Variants in FNDC3B observed in about 807,000 individuals in gnomAD.
FNDC3B encodes the protein fibronectin type III domain-containing protein 3B.
A neutral mutation model predicts 151.5 loss-of-function variants in FNDC3B; 12 were observed. The ratio of observed to expected loss-of-function variants is 0.08; its 90% CI spans 0.05 to 0.13. The LOEUF is 0.13. Among genes scored for constraint, FNDC3B ranks in the 10% least tolerant of loss-of-function variants. FNDC3B has a pLI of 1.00. For missense variants in FNDC3B, 1,214 were observed against 1,505.3 expected, an observed-to-expected ratio of 0.81 and a Z score of 3.20; for synonymous variants, 528 against 549.0, an observed-to-expected ratio of 0.96 and a Z score of 0.54.
chr3:172,045,100 C>T (rs1716298321), intron 1 of FNDC3B, among the ~76,000 whole-genome samples: 1 of 152,164 alleles, frequency 6.6e-6, no homozygotes, highest in Non-Finnish European at 1.5e-5. Context: ...TATACAAACT[C>T]CATAGTTCAT....
chr3:172,135,102 T>G (rs1285101814), intron 3 of FNDC3B, among the ~76,000 whole-genome samples: 3 of 152,134 alleles, frequency 2.0e-5, no homozygotes, highest in Admixed American at 1.3e-4. Flanking sequence ...ATGGTAACAT[T>G]GGCACCCCAT....
At chr3:172,286,142 G>A (rs1251896718) in intron 7 of FNDC3B, among the ~76,000 whole-genome samples, 158 bp downstream of exon 7, 1 of 151,940 alleles carries the variant, frequency 6.6e-6, no homozygotes, top group Non-Finnish European at 1.5e-5. Context: ...GTTATTAATG[G>A]ACCATGAGAC....
At chr3:172,145,635 A>G (rs11714903) in intron 3 of FNDC3B, among the ~76,000 whole-genome samples, 74,416 of 151,938 alleles carry the variant, frequency 0.49, 18,600 homozygotes, top group East Asian at 0.58. Flanking sequence ...CCAGATTTAT[A>G]ATGGTTTAAG....
At chr3:172,262,131 G>A (rs1392041184) in intron 6 of FNDC3B, among the ~76,000 whole-genome samples, 1 of 152,172 alleles carries the variant, frequency 6.6e-6, no homozygotes. Flanking sequence ...CAGTGGGCAG[G>A]GATGATTGGA....
chr3:172,372,406 A>T (rs1240439041), intron 23 of FNDC3B, among the ~76,000 whole-genome samples: 1 of 152,112 alleles, frequency 6.6e-6, no homozygotes, highest in African/African-American at 2.4e-5. Flanking sequence ...CTCAGCCTGA[A>T]CTCATACTAA....
At chr3:172,059,620 T>C (rs78154887) in intron 1 of FNDC3B, among the ~76,000 whole-genome samples, 1 of 152,202 alleles carries the variant, frequency 6.6e-6, no homozygotes, top group Non-Finnish European at 1.5e-5. Context: ...TCTAGTATAC[T>C]TAAATTTGGC....
In FNDC3B at chr3:172,251,363, C is replaced by G. The variant is rs1233349376; in HGVS notation, c.612C>G (p.Asn204Lys). The change falls in exon 6 of 26, where the codon AAC becomes AAG. Residue 204 changes from asparagine to lysine, a missense_variant. This residue lies in a region of FNDC3B where 166 missense variants were observed against 173.2 expected (regional missense o/e 0.96). Transcript: ENST00000415807. ...KLKDRQIDRQ[N>K]RLNSPPSSIY... Reference sequence around the variant, plus strand: ...AAGACCGCCAGATCGATCGCCAGAACCGCCTCAACAGCCCTCCTTCTTCTA... The same window carrying G: ...AAGACCGCCAGATCGATCGCCAGAAGCGCCTCAACAGCCCTCCTTCTTCTA... 1 of 1,614,146 alleles carries G rather than the reference C, an allele frequency of 6.2e-7. No individual in the cohort carries two copies. Among genetic ancestry groups the G allele is most frequent in the Non-Finnish European group, 8.5e-7 (1 of 1,180,018 alleles).
At chr3:172,087,276 G>T (rs1431864945) in intron 1 of FNDC3B, among the ~76,000 whole-genome samples, 1 of 151,854 alleles carries the variant, frequency 6.6e-6, no homozygotes, top group East Asian at 1.9e-4. Flanking sequence ...TTTTTCTTCT[G>T]CTGTTGGTCT....
chr3:172,133,669 TTTC>T (rs1283029115), intron 3 of FNDC3B, 123 bp downstream of exon 3: 1 of 783,412 alleles, frequency 1.3e-6, no homozygotes, highest in African/African-American at 1.7e-5. Context: ...GGATATTCAT[TTTC>T]TTTTTTTTTC....
chr3:172,163,306 A>G (rs976075274), intron 3 of FNDC3B, among the ~76,000 whole-genome samples: 4 of 152,126 alleles, frequency 2.6e-5, no homozygotes, highest in African/African-American at 9.7e-5. Flanking sequence ...TATAAAGCAA[A>G]CACCCATATA....
Position 172,239,853 on chromosome 3 carries a change from G to GTTTTTT in FNDC3B, c.265-7678_265-7677insTTTTTT, listed in dbSNP as rs1195281476. 1.1e-3 allele frequency among the ~76,000 whole-genome samples: 72 copies of GTTTTTT among 65,866 alleles called. 4 individuals carry two copies. Among genetic ancestry groups the GTTTTTT allele is most frequent in the African/African-American group, 3.8e-3 (67 of 17,688 alleles). 43.2% of individuals were successfully genotyped at this position (65,866 alleles called of 152,430 possible). A position where few individuals can be genotyped will look rare whatever the true frequency, so the allele number is the denominator to read the frequency against. On this transcript the variant is annotated intron_variant, in intron 4 of 25. Coordinates refer to ENST00000415807, the MANE Select transcript of FNDC3B (RefSeq NM_022763.4). ...AAATGTTTTTAGGAGATCCATTTTA[G>GTTTTTT]TTCTTTTTTTTTTTTTTTTTTTTTT...
chr3:172,295,310 C>A, intron 7 of FNDC3B, 53 bp from the exon 8 acceptor site: 1 of 1,547,424 alleles, frequency 6.5e-7, no homozygotes, highest in Non-Finnish European at 8.8e-7. Context: ...ACTAATAATT[C>A]TGAAAATGTA....
intron 1 of FNDC3B, among the ~76,000 whole-genome samples, chr3:172,048,315 TTG>T (rs1253687451): frequency 1.3e-5 from 2 of 152,194 alleles, no homozygotes; most frequent in Non-Finnish European, 2.9e-5. Flanking sequence ...ATATCTTTTA[TTG>T]TTTAAGTCAT....
intron 3 of FNDC3B, among the ~76,000 whole-genome samples, chr3:172,226,179 C>T (rs1576815515): frequency 6.6e-6 from 1 of 151,756 alleles, no homozygotes; most frequent in South Asian, 2.1e-4. Context: ...GTGGCGGGCA[C>T]CTGTAATTCC....
chr3:172,164,954 C>T (rs1454850233), intron 3 of FNDC3B, among the ~76,000 whole-genome samples: 5 of 152,196 alleles, frequency 3.3e-5, no homozygotes, highest in African/African-American at 7.2e-5. Flanking sequence ...GTTAGCAACA[C>T]GTGCTCACCT....
chr3:172,155,403 A>G (rs1196448181), intron 3 of FNDC3B, among the ~76,000 whole-genome samples: 1 of 152,084 alleles, frequency 6.6e-6, no homozygotes, highest in Non-Finnish European at 1.5e-5. Flanking sequence ...TACACAATTC[A>G]CTTGCATTTG....
intron 7 of FNDC3B, among the ~76,000 whole-genome samples, chr3:172,287,538 T>C (rs1326492585): frequency 2.0e-5 from 3 of 152,156 alleles, no homozygotes; most frequent in Non-Finnish European, 4.4e-5. Context: ...AGCTTATGTT[T>C]GTAGCATAGT....
At chr3:172,062,886 A>G (rs969552437) in intron 1 of FNDC3B, among the ~76,000 whole-genome samples, 1 of 152,158 alleles carries the variant, frequency 6.6e-6, no homozygotes, top group Non-Finnish European at 1.5e-5. Context: ...AGAATGAAGA[A>G]TTAAGTGAAT....
intron 23 of FNDC3B, among the ~76,000 whole-genome samples, chr3:172,372,856 T>C (rs1290806286): frequency 1.3e-5 from 2 of 152,210 alleles, no homozygotes; most frequent in Admixed American, 6.5e-5. Context: ...AACATAAATA[T>C]TGCATTGACT....
Sources: allele counts gnomAD v4.1 joint callset (sites outside exome capture counted in the v4.1 genomes callset), GRCh38; gene constraint gnomAD v4.1.1; regional missense constraint gnomAD v4.1.1; transcripts MANE v1.5; gene names NCBI Gene and HGNC (gene_info 2026-07-23, HGNC 2026-07-21).